The following RAP1A variants were observed in gnomAD, a reference collection of about 807,000 sequenced individuals.
The protein encoded by RAP1A is RAP1A, member of RAS oncogene family.
A neutral mutation model predicts 26.4 loss-of-function variants in RAP1A; 6 were observed. The observed-to-expected ratio is 0.23, with a 90% CI of 0.12 to 0.45. The LOEUF is 0.45. RAP1A is among the 20% of genes least tolerant of loss of function. The pLI is 0.99. For synonymous variants in RAP1A, 73 were observed against 79.4 expected, an observed-to-expected ratio of 0.92 and a Z score of 0.43; for missense variants, 121 against 217.2, an observed-to-expected ratio of 0.56 and a Z score of 2.78.
intron 1 of RAP1A, among the ~76,000 whole-genome samples, chr1:111,652,074 A>G (rs1349794798): frequency 6.6e-6 from 1 of 151,986 alleles, no homozygotes; most frequent in Non-Finnish European, 1.5e-5. Context: ...CCCAGGTTCA[A>G]ATGATTCTCC....
chr1:111,621,326 T>C (rs561605458), intron 1 of RAP1A, among the ~76,000 whole-genome samples: 1 of 152,350 alleles, frequency 6.6e-6, no homozygotes, highest in South Asian at 2.1e-4. Context: ...AATTTATTTC[T>C]GTGATACTTT....
chr1:111,693,308 A>G (rs1661725714), intron 2 of RAP1A, among the ~76,000 whole-genome samples: 1 of 152,182 alleles, frequency 6.6e-6, no homozygotes, highest in Non-Finnish European at 1.5e-5. Context: ...AAGAAGCTTG[A>G]TTATGAGAGG....
At chr1:111,671,551 T>G (rs1660975699) in intron 1 of RAP1A, among the ~76,000 whole-genome samples, 1 of 152,332 alleles carries the variant, frequency 6.6e-6, no homozygotes, top group Non-Finnish European at 1.5e-5. Context: ...CTTGGCTCAC[T>G]GCAACCTCCG....
At chr1:111,622,170 C>T (rs1264511927) in intron 1 of RAP1A, among the ~76,000 whole-genome samples, 1 of 152,202 alleles carries the variant, frequency 6.6e-6, no homozygotes, top group African/African-American at 2.4e-5. Context: ...TCTTGCCCCT[C>T]CACCCCAAGT....
chr1:111,639,573 T>TTG (rs1366684715), intron 1 of RAP1A, among the ~76,000 whole-genome samples: 1 of 151,942 alleles, frequency 6.6e-6, no homozygotes, highest in Non-Finnish European at 1.5e-5. Flanking sequence ...GAACTTTTTT[T>TTG]TTTTTCCTTA....
At chr1:111,709,931 A>G (rs1662325183) in intron 7 of RAP1A, among the ~76,000 whole-genome samples, 1 of 152,216 alleles carries the variant, frequency 6.6e-6, no homozygotes, top group Non-Finnish European at 1.5e-5. Context: ...GGGAATTAGT[A>G]TGAATAATTC....
intron 1 of RAP1A, among the ~76,000 whole-genome samples, chr1:111,612,928 A>C (rs945388858): frequency 6.6e-6 from 1 of 152,198 alleles, no homozygotes; most frequent in Non-Finnish European, 1.5e-5. Context: ...AGTTTTTACC[A>C]AAGTACTACA....
At chr1:111,616,394 A>T (rs965878359), upstream of RAP1A, among the ~76,000 whole-genome samples, 1 of 152,226 alleles carries the variant, frequency 6.6e-6, no homozygotes. Flanking sequence ...CAGAAGCCCA[A>T]GGGCTTTGCT....
chr1:111,568,669 A>G (rs1657976551), intron 1 of RAP1A, among the ~76,000 whole-genome samples: 1 of 152,140 alleles, frequency 6.6e-6, no homozygotes, highest in East Asian at 1.9e-4. Flanking sequence ...TTTGACCCCT[A>G]AACAACACAG....
intron 6 of RAP1A, among the ~76,000 whole-genome samples, chr1:111,708,693 C>T (rs1662276348): frequency 6.6e-6 from 1 of 152,168 alleles, no homozygotes; most frequent in Non-Finnish European, 1.5e-5. Flanking sequence ...TATCCTTGTT[C>T]TTAGGAACAA....
rs1373271637 is a variant in RAP1A, at chr1:111,715,996, G to C, written c.*3595G>C. On this transcript the variant is annotated 3_prime_UTR_variant, in exon 8 of 8. Coordinates refer to ENST00000369709, the MANE Select transcript of RAP1A (RefSeq NM_002884.4). Reference sequence around the variant, plus strand: ...TGCAAGCAATCACAGCAGAATGCTAGAAAACATAAAATATACTCTTATAAA... The same window carrying C: ...TGCAAGCAATCACAGCAGAATGCTACAAAACATAAAATATACTCTTATAAA... 1 of 152,246 alleles carries C rather than the reference G, an allele frequency of 6.6e-6. No homozygotes were observed. Among genetic ancestry groups the C allele is most frequent in the East Asian group, 1.9e-4 (1 of 5,206 alleles). 9.4% of individuals were successfully genotyped at this position (152,246 alleles called of 1,614,324 possible). A position where few individuals can be genotyped will look rare whatever the true frequency, so the allele number is the denominator to read the frequency against.
intron 1 of RAP1A, among the ~76,000 whole-genome samples, chr1:111,666,540 G>A (rs1344859272): frequency 6.6e-6 from 1 of 151,920 alleles, no homozygotes; most frequent in Non-Finnish European, 1.5e-5. Context: ...TCTAAAAATA[G>A]AATGTAAATT....
rs568153427 is a variant in RAP1A, at chr1:111,583,933, T to C, written c.-28+41424T>C. Among the ~76,000 whole-genome samples, 6 of 142,458 alleles carry C rather than the reference T, an allele frequency of 4.2e-5. No individual in the cohort carries two copies. The East Asian group carries it at 1.3e-3, about 30-fold the overall frequency. The allele number at this position is 142,458 out of a possible 152,430, so 93.5% of individuals were successfully genotyped here. ...TCTCACTCTGTTGCCCAGGCTGGAG[T>C]GCAGTGGCGCGATCTCGGCTCACTG... On this transcript the variant is annotated intron_variant, in intron 1 of 7. Coordinates refer to the RAP1A transcript ENST00000356415.
intron 1 of RAP1A, among the ~76,000 whole-genome samples, chr1:111,590,231 GTTTCTTCC>G (rs1441500462): frequency 6.6e-6 from 1 of 152,094 alleles, no homozygotes; most frequent in African/African-American, 2.4e-5. Context: ...ACTGTAGTTT[GTTTCTTCC>G]TTTCAAATCC....
chr1:111,669,600 C>G (rs1660913107), intron 1 of RAP1A, among the ~76,000 whole-genome samples: 1 of 152,118 alleles, frequency 6.6e-6, no homozygotes, highest in South Asian at 2.1e-4. Context: ...GGAAAATAAC[C>G]CTGAATTTTG....
Position 111,712,862 on chromosome 1 carries a change from T to G in RAP1A, c.*461T>G, listed in dbSNP as rs1662428254. On this transcript the variant is annotated 3_prime_UTR_variant, in exon 8 of 8. Transcript: ENST00000369709. ...CTCAAACTCATTGCAGCAGATAACTTTTTTGAGTCATTGACTTCATTTTAT... is the reference window on the plus strand; with the variant it reads ...CTCAAACTCATTGCAGCAGATAACTGTTTTGAGTCATTGACTTCATTTTAT... 6.6e-6 allele frequency: 1 copy of G among 152,486 alleles called. No individual in the cohort carries two copies. The highest frequency in any genetic ancestry group is 1.5e-5 in the Non-Finnish European group (1 of 67,946). 9.4% of individuals were successfully genotyped at this position (152,486 alleles called of 1,614,324 possible).
chr1:111,610,580 A>ACC (rs1658910700), intron 1 of RAP1A, among the ~76,000 whole-genome samples: 1 of 138,578 alleles, frequency 7.2e-6, no homozygotes, highest in East Asian at 2.1e-4. Context: ...ACACACACAC[A>ACC]CCCAACACCA....
chr1:111,569,141 G>A (rs113295393), intron 1 of RAP1A, among the ~76,000 whole-genome samples: 8 of 152,178 alleles, frequency 5.3e-5, no homozygotes, highest in East Asian at 3.9e-4. Context: ...GGTGGCTCAC[G>A]CCTGTAATCC....
intron 1 of RAP1A, among the ~76,000 whole-genome samples, chr1:111,594,677 A>G (rs1351553252): frequency 2.0e-5 from 3 of 152,204 alleles, no homozygotes; most frequent in Non-Finnish European, 2.9e-5. Context: ...GAACTTTCTG[A>G]ACCCATAAAG....
Sources: allele counts gnomAD v4.1 joint callset (sites outside exome capture counted in the v4.1 genomes callset), GRCh38; gene constraint gnomAD v4.1.1; transcripts MANE v1.5; gene names NCBI Gene and HGNC (gene_info 2026-07-23, HGNC 2026-07-21).